Variants in SMOX observed in about 807,000 individuals in gnomAD.
SMOX encodes the protein spermine oxidase.
In SMOX, 22 loss-of-function variants were observed where a neutral mutation model predicts 51.0. That is an observed-to-expected ratio of 0.43 (90% CI 0.31 to 0.62). SMOX has a LOEUF of 0.62. Among genes scored for constraint, SMOX ranks in the 20% least tolerant of loss-of-function variants. The pLI is 0.10. For synonymous variants in SMOX, 282 were observed against 307.8 expected (o/e 0.92, Z 0.88); for missense variants, 566 against 777.7 (o/e 0.73, Z 3.24).
In SMOX at chr20:4,183,703, A is replaced by G. The variant is rs542150811; in HGVS notation, c.1530+49A>G. 3.3e-6 allele frequency: 5 copies of G among 1,526,032 alleles called. No individual in the cohort carries two copies. In the African/African-American group the frequency reaches 6.9e-5, roughly 21 times the overall value. 94.5% of individuals were successfully genotyped at this position (1,526,032 alleles called of 1,614,324 possible). A position where few individuals can be genotyped will look rare whatever the true frequency, so the allele number is the denominator to read the frequency against. Reference sequence around the variant, plus strand: ...GAGGGGAGTTGTGGGTGTATTTTGTATGTGTGTCCGGTCCAGGGTGAGGAG... The same window carrying G: ...GAGGGGAGTTGTGGGTGTATTTTGTGTGTGTGTCCGGTCCAGGGTGAGGAG... On this transcript the variant is annotated intron_variant, in intron 6 of 6. Transcript: ENST00000305958. The surrounding 1 kb of genome is among the most constrained non-coding windows in gnomAD (Gnocchi z 4.3).
chr20:4,183,112 C>A lies in SMOX; in HGVS notation c.1369+264C>A. The stretch of plus-strand genomic sequence containing the variant: ...TGGTAAAACACTCAGAGATCACCGC[C>A]CATTGTGCTCTGTTGCTAAGAGCTG... On this transcript the variant is annotated intron_variant, in intron 5 of 6. Coordinates refer to ENST00000305958, the MANE Select transcript of SMOX (RefSeq NM_175839.3). The surrounding 1 kb of genome is among the most constrained non-coding windows in gnomAD (Gnocchi z 4.3). 1 of 592,090 alleles carries A rather than the reference C, an allele frequency of 1.7e-6. No homozygotes were observed. Among genetic ancestry groups the A allele is most frequent in the South Asian group, 2.1e-5 (1 of 47,594 alleles). 36.7% of individuals were successfully genotyped at this position (592,090 alleles called of 1,614,324 possible). A position where few individuals can be genotyped will look rare whatever the true frequency, so the allele number is the denominator to read the frequency against.
chr20:4,157,327 C>T (rs761409778), intron 1 of SMOX, among the ~76,000 whole-genome samples: 2 of 152,102 alleles, frequency 1.3e-5, no homozygotes, highest in East Asian at 3.9e-4. Flanking sequence ...GCCCTGTCAT[C>T]GTGGACATGA....
In SMOX at chr20:4,181,140, G is replaced by A. The variant is rs1333891900; in HGVS notation, c.436-663G>A. 5.9e-5 allele frequency among the ~76,000 whole-genome samples: 9 copies of A among 152,250 alleles called. No individual in the cohort carries two copies. On this transcript the variant is annotated intron_variant, in intron 3 of 6. Transcript: ENST00000305958. This position sits in a 1 kb window ranked among gnomAD's most constrained non-coding sequence, Gnocchi z 5.6. ...TGTGGGCTGGAGTTCTTGCTGAAAC[G>A]TGCCCGTGAAATGCATCTCCCTTCC...
intron 1 of SMOX, among the ~76,000 whole-genome samples, chr20:4,162,126 A>T (rs1248839126): frequency 6.6e-6 from 1 of 152,176 alleles, no homozygotes; most frequent in Admixed American, 6.5e-5. Context: ...CGGGGAGCCA[A>T]CCTGCATGGC....
chr20:4,159,735 T>A (rs1986218621), intron 1 of SMOX, among the ~76,000 whole-genome samples: 1 of 152,238 alleles, frequency 6.6e-6, no homozygotes, highest in Non-Finnish European at 1.5e-5. Context: ...TATGTTTATG[T>A]CCAAACTCAG....
chr20:4,186,677 A>C (rs1194118082), intron 6 of SMOX: 15 of 765,268 alleles, frequency 2.0e-5, no homozygotes, highest in Non-Finnish European at 3.7e-5. Context: ...CGCCTTGTGC[A>C]AACACCCATT....
chr20:4,174,541 A>T (rs1206351098), intron 1 of SMOX, among the ~76,000 whole-genome samples: 1 of 152,120 alleles, frequency 6.6e-6, no homozygotes, highest in East Asian at 1.9e-4. Flanking sequence ...GGTGGACCAC[A>T]GCAGTTATGC....
At chr20:4,186,795 C>T in intron 6 of SMOX, 1 of 781,042 alleles carries the variant, frequency 1.3e-6, no homozygotes, top group Non-Finnish European at 2.4e-6. Context: ...TCCAAGTGCC[C>T]AGAACAGCCC....
chr20:4,176,757 C>A (rs1270436206), intron 2 of SMOX, among the ~76,000 whole-genome samples: 2 of 152,162 alleles, frequency 1.3e-5, no homozygotes, highest in Admixed American at 1.3e-4. Context: ...ATGTCCCCTG[C>A]CCCAGTCCGG....
At chr20:4,152,914 A>G (rs1356835755) in intron 1 of SMOX, among the ~76,000 whole-genome samples, 1 of 152,214 alleles carries the variant, frequency 6.6e-6, no homozygotes, top group Non-Finnish European at 1.5e-5. Context: ...ATAACAGAGT[A>G]AGGATTGAAT....
intron 1 of SMOX, among the ~76,000 whole-genome samples, chr20:4,156,897 C>G (rs1230557158): frequency 6.6e-6 from 1 of 152,170 alleles, no homozygotes; most frequent in Non-Finnish European, 1.5e-5. Flanking sequence ...CGCTCACCAC[C>G]ACGCCCTGCT....
At chr20:4,165,975 T>C (rs1318498096) in intron 1 of SMOX, among the ~76,000 whole-genome samples, 1 of 152,164 alleles carries the variant, frequency 6.6e-6, no homozygotes. Flanking sequence ...CATCTGCAGA[T>C]AGACATACAC....
At chr20:4,155,324 A>G (rs541711346) in intron 1 of SMOX, among the ~76,000 whole-genome samples, 1 of 151,836 alleles carries the variant, frequency 6.6e-6, no homozygotes, top group Admixed American at 6.6e-5. Flanking sequence ...GCTGCCGCTG[A>G]TGGTTACGTG....
Position 4,167,392 on chromosome 20 carries a change from G to A in SMOX, c.-26-7638G>A, listed in dbSNP as rs560678200. On this transcript the variant is annotated intron_variant, in intron 1 of 6. Coordinates refer to ENST00000305958, the MANE Select transcript of SMOX (RefSeq NM_175839.3). The surrounding 1 kb of genome is among the most constrained non-coding windows in gnomAD (Gnocchi z 4.8). ...TCTTCCTCCCTCTCCCGCCCTCTCC[G>A]AGATGACCTTTGCAGTGGCCACACC... Among the ~76,000 whole-genome samples, 112 of 152,222 alleles carry A rather than the reference G, an allele frequency of 7.4e-4. No homozygotes were observed. Among genetic ancestry groups the A allele is most frequent in the Admixed American group, 4.3e-3 (65 of 15,290 alleles).
chr20:4,177,518 A>G lies in SMOX; in HGVS notation c.376A>G (p.Asn126Asp), dbSNP rs1448480627. ...SKNGVACYLT[N>D]HGRRIPKDVV... ...GAATGGCGTGGCCTGCTACCTTACC[A>G]ACCACGGCCGCAGGATCCCCAAGGA... Residue 126 changes from asparagine to aspartate, a missense_variant, in exon 3 of 7, where the codon AAC becomes GAC. Transcript: ENST00000305958. This position sits in a 1 kb window ranked among gnomAD's most constrained non-coding sequence, Gnocchi z 4.3. 6.3e-7 allele frequency: 1 copy of G among 1,595,530 alleles called. No individual in the cohort carries two copies. The highest frequency in any genetic ancestry group is 1.7e-5 in the Admixed American group (1 of 57,404).
At chr20:4,158,470 C>A (rs1371688706) in intron 1 of SMOX, among the ~76,000 whole-genome samples, 1 of 152,184 alleles carries the variant, frequency 6.6e-6, no homozygotes. Context: ...GGGGGCATTG[C>A]AGCACCCCTT....
At chr20:4,174,368 C>G (rs1978658248) in intron 1 of SMOX, among the ~76,000 whole-genome samples, 1 of 151,888 alleles carries the variant, frequency 6.6e-6, no homozygotes, top group African/African-American at 2.4e-5. Flanking sequence ...GGGGTCCATG[C>G]AAGTATCTTC....
At chr20:4,151,522 C>T (rs1985761501) in intron 1 of SMOX, among the ~76,000 whole-genome samples, 1 of 152,164 alleles carries the variant, frequency 6.6e-6, no homozygotes, top group Non-Finnish European at 1.5e-5. Context: ...TGCATTCTCC[C>T]TGACAGACAC....
intron 1 of SMOX, among the ~76,000 whole-genome samples, chr20:4,164,472 G>A (rs1338175435): frequency 6.6e-6 from 1 of 152,232 alleles, no homozygotes; most frequent in Non-Finnish European, 1.5e-5. Flanking sequence ...CTAATAAGTG[G>A]TGGGGATTCA....
Sources: allele counts gnomAD v4.1 joint callset (sites outside exome capture counted in the v4.1 genomes callset), GRCh38; gene constraint gnomAD v4.1.1; non-coding constraint Gnocchi (gnomAD v3.1); transcripts MANE v1.5; gene names NCBI Gene and HGNC (gene_info 2026-07-23, HGNC 2026-07-21).